CCDC121: variants seen among roughly 807,000 people sequenced by gnomAD.
CCDC121 encodes coiled-coil domain-containing protein 121.
For synonymous variants in CCDC121, 108 were observed against 120.0 expected, an observed-to-expected ratio of 0.90 and a Z score of 0.65; for missense variants, 238 against 304.1, an observed-to-expected ratio of 0.78 and a Z score of 1.62.
intron 1 of CCDC121, chr2:27,628,734 G>T: frequency 1.3e-6 from 2 of 1,550,542 alleles, no homozygotes; most frequent in Non-Finnish European, 1.7e-6. Context: ...TCGTTTTCTT[G>T]CTGTGTGAGC....
rs1188625024 is a variant in CCDC121 at position 27,627,107 on chromosome 2, C to T, written c.693G>A (p.Gln231=). The change falls in exon 2 of 2, where the codon CAG becomes CAA. Residue 231 remains glutamine, a synonymous_variant. Coordinates refer to ENST00000324364, the MANE Select transcript of CCDC121 (RefSeq NM_024584.5). ...SHLENRKQQL[Q]QEQWYLESLI... ...AGGACTCCAGATACCACTGTTCCTG[C>T]TGCAGCTGCTGCTTCCTGTTTTCTA... 1 of 1,614,146 alleles carries T rather than the reference C, an allele frequency of 6.2e-7. No individual in the cohort carries two copies. Among genetic ancestry groups the T allele is most frequent in the Non-Finnish European group, 8.5e-7 (1 of 1,180,014 alleles).
At chr2:27,628,314 C>T in intron 1 of CCDC121, 2 of 1,331,924 alleles carry the variant, frequency 1.5e-6, no homozygotes, top group South Asian at 1.5e-5. Flanking sequence ...ATTTTCTAGG[C>T]TCTTTCATCA....
At chr2:27,628,665 C>A in intron 1 of CCDC121, 1 of 1,551,584 alleles carries the variant, frequency 6.4e-7, no homozygotes, top group Admixed American at 2.0e-5. Context: ...CCCGAGCAGC[C>A]GGTCCTCCAG....
rs192238070 is a variant in CCDC121, at chr2:27,627,965, G to A, written c.-118-48C>T. On this transcript the variant is annotated intron_variant, in intron 1 of 1. Transcript: ENST00000324364. ...CCTCTGTCAGTTAATGAAACTTTAGGAAGTAAGTGCACAACTGTCCTTCAT... is the reference window on the plus strand; with the variant it reads ...CCTCTGTCAGTTAATGAAACTTTAGAAAGTAAGTGCACAACTGTCCTTCAT... The A allele has an allele frequency of 3.9e-6, 5 of 1,284,992 alleles. No homozygotes were observed. In the East Asian group the frequency reaches 9.3e-5, roughly 24 times the overall value. 79.6% of individuals were successfully genotyped at this position (1,284,992 alleles called of 1,614,324 possible).
chr2:27,625,826 T>G lies in CCDC121; in HGVS notation c.*1137A>C, dbSNP rs1673264699. 1 of 152,422 alleles carries G rather than the reference T, an allele frequency of 6.6e-6. No individual in the cohort carries two copies. Among genetic ancestry groups the G allele is most frequent in the African/African-American group, 2.4e-5 (1 of 41,574 alleles). 9.4% of individuals were successfully genotyped at this position (152,422 alleles called of 1,614,324 possible). A position where few individuals can be genotyped will look rare whatever the true frequency, so the allele number is the denominator to read the frequency against. On this transcript the variant is annotated 3_prime_UTR_variant, in exon 2 of 2. Coordinates refer to ENST00000324364, the MANE Select transcript of CCDC121 (RefSeq NM_024584.5). ...ATGCAGGAAAATTATTTTGAAGTTTTTCATCACTTAACAATTTCTGGGAAA... is the reference window on the plus strand; with the variant it reads ...ATGCAGGAAAATTATTTTGAAGTTTGTCATCACTTAACAATTTCTGGGAAA...
intron 1 of CCDC121, chr2:27,628,739 G>T: frequency 1.3e-6 from 2 of 1,549,826 alleles, no homozygotes; most frequent in Non-Finnish European, 8.7e-7. Flanking sequence ...TTCTTGCTGT[G>T]TGAGCCCTGC....
chr2:27,628,066 A>C (rs1466986360), intron 1 of CCDC121, 149 bp from the exon 2 acceptor site: 2 of 663,964 alleles, frequency 3.0e-6, no homozygotes, highest in Non-Finnish European at 5.1e-6. Flanking sequence ...GCTAGTGGTA[A>C]AGGATGAGGA....
rs1421665993 is a variant in CCDC121 at position 27,626,554 on chromosome 2, A to AATTT, written c.*408_*409insAAAT. The AATTT allele has an allele frequency of 6.4e-6, 1 of 155,856 alleles. No individual in the cohort carries two copies. The highest frequency in any genetic ancestry group is 2.4e-5 in the African/African-American group (1 of 41,568). The allele number at this position is 155,856 out of a possible 1,614,324, so 9.7% of individuals were successfully genotyped here. On this transcript the variant is annotated 3_prime_UTR_variant, in exon 2 of 2. Transcript: ENST00000324364. ...AAAAGGAATGAGGATAAACTGGCAG[A>AATTT]ACGCTATTCAAAGTCTATTTGGAAT...
chr2:27,628,274 A>G, intron 1 of CCDC121: 1 of 999,362 alleles, frequency 1.0e-6, no homozygotes, highest in South Asian at 1.7e-5. Context: ...AGGGTCACAG[A>G]AACAGACTGG....
intron 1 of CCDC121, chr2:27,628,594 C>G: frequency 1.9e-6 from 3 of 1,551,548 alleles, no homozygotes; most frequent in Non-Finnish European, 2.6e-6. Flanking sequence ...GAGACTGCAC[C>G]CTGCTCCAGT....
Position 27,627,785 on chromosome 2 carries a change from G to T in CCDC121, c.15C>A (p.Asn5Lys), listed in dbSNP as rs1051719054. The T allele has an allele frequency of 1.4e-5, 23 of 1,613,692 alleles. No individual in the cohort carries two copies. The highest frequency in any genetic ancestry group is 1.9e-5 in the Non-Finnish European group (23 of 1,179,954). The change falls in exon 2 of 2, where the codon AAC (asparagine) becomes AAA (lysine). Residue 5 changes from asparagine (N) to lysine (K), a missense_variant. Physicochemically the swap from Asn to Lys is moderately conservative, Grantham distance 94. Transcript: ENST00000324364. Reference sequence around the variant, plus strand: ...GGGTTTGAGCTTGTTTTATATGCTTGTTCAGATCCGTCATTTCCGCCACTA... The same window carrying T: ...GGGTTTGAGCTTGTTTTATATGCTTTTTCAGATCCGTCATTTCCGCCACTA... MTDL[N>K]KHIKQAQTQR... is the part of the protein sequence containing the mutation.
intron 1 of CCDC121, 129 bp downstream of exon 1, chr2:27,628,821 C>A (rs964605484): frequency 1.1e-5 from 17 of 1,481,714 alleles, no homozygotes; most frequent in Non-Finnish European, 1.4e-5. Context: ...GATCAGCGCC[C>A]TTTTCCTAGC....
rs1673289877 is a variant in CCDC121 at position 27,626,774 on chromosome 2, A to G, written c.*189T>C. 1 of 508,762 alleles carries G rather than the reference A, an allele frequency of 2.0e-6. No individual in the cohort carries two copies. The highest frequency in any genetic ancestry group is 3.5e-5 in the Admixed American group (1 of 28,640). The allele number at this position is 508,762 out of a possible 1,614,324, so 31.5% of individuals were successfully genotyped here. ...TTAACGAGTATTTAAAGAAAAAGCT[A>G]GTTAAGGGAAGCTGGTTACCAAATA... On this transcript the variant is annotated 3_prime_UTR_variant, in exon 2 of 2. Coordinates refer to ENST00000324364, the MANE Select transcript of CCDC121 (RefSeq NM_024584.5).
At chr2:27,628,696 T>G (rs1673391634) in intron 1 of CCDC121, 1 of 1,551,560 alleles carries the variant, frequency 6.4e-7, no homozygotes, top group African/African-American at 1.4e-5. Flanking sequence ...CCCCGTTCTC[T>G]GTGGGCTCAA....
rs1178540623 is a variant in CCDC121, at chr2:27,625,912, A to G, written c.*1051T>C. The G allele has an allele frequency of 6.6e-6, 1 of 152,270 alleles. No homozygotes were observed. The highest frequency in any genetic ancestry group is 2.1e-4 in the South Asian group (1 of 4,836). The allele number at this position is 152,270 out of a possible 1,614,324, so 9.4% of individuals were successfully genotyped here. ...TTAAAATATAAGATTATATTCCCCTATACTAGGATTCAGCATTCAAATAAA... is the reference window on the plus strand; with the variant it reads ...TTAAAATATAAGATTATATTCCCCTGTACTAGGATTCAGCATTCAAATAAA... On this transcript the variant is annotated 3_prime_UTR_variant, in exon 2 of 2. Coordinates refer to ENST00000324364, the MANE Select transcript of CCDC121 (RefSeq NM_024584.5).
At chr2:27,628,888 A>C in intron 1 of CCDC121, 62 bp downstream of exon 1, 2 of 1,469,682 alleles carry the variant, frequency 1.4e-6, no homozygotes, top group Admixed American at 5.3e-5. Flanking sequence ...CACTGTCACT[A>C]GTTGACTCAT....
rs1673346353 is a variant in CCDC121 at position 27,627,926 on chromosome 2, AC to A, written c.-118-10del. On this transcript the variant is annotated splice_polypyrimidine_tract_variant and intron_variant, in intron 1 of 1. Coordinates refer to ENST00000324364, the MANE Select transcript of CCDC121 (RefSeq NM_024584.5). ...TGGGGCCCTCAGCAAACCTGAAAGAACAAACGAGACATTCCTCTGTCAGTTA... is the reference window on the plus strand; with the variant it reads ...TGGGGCCCTCAGCAAACCTGAAAGAAAAACGAGACATTCCTCTGTCAGTTA... The A allele has an allele frequency of 6.4e-7, 1 of 1,561,602 alleles. No individual in the cohort carries two copies. Among genetic ancestry groups the A allele is most frequent in the East Asian group, 2.2e-5 (1 of 44,590 alleles).
rs1673289993 is a variant in CCDC121 at position 27,626,775 on chromosome 2, G to C, written c.*188C>G. On this transcript the variant is annotated 3_prime_UTR_variant, in exon 2 of 2. Transcript: ENST00000324364. ...TAACGAGTATTTAAAGAAAAAGCTA[G>C]TTAAGGGAAGCTGGTTACCAAATAT... 3.9e-6 allele frequency: 2 copies of C among 514,826 alleles called. No homozygotes were observed. The highest frequency in any genetic ancestry group is 6.9e-6 in the Non-Finnish European group (2 of 289,688). The allele number at this position is 514,826 out of a possible 1,614,324, so 31.9% of individuals were successfully genotyped here. A position where few individuals can be genotyped will look rare whatever the true frequency, so the allele number is the denominator to read the frequency against.
In CCDC121 at chr2:27,627,707, A is replaced by G. The variant is rs774617729; in HGVS notation, c.93T>C (p.Leu31=). The change falls in exon 2 of 2, where the codon CTT becomes CTC. Residue 31 remains leucine (L), a synonymous_variant. Coordinates refer to ENST00000324364, the MANE Select transcript of CCDC121 (RefSeq NM_024584.5). ...GAAAGAATCTGTTTTCAGCCTGGAC[A>G]AGTAACTTTTCTCGGTGTAGCTCCC... ...ESRELHREKL[L]VQAENRFFLE... is the part of the protein sequence containing the mutation. 3 of 1,612,766 alleles carry G rather than the reference A, an allele frequency of 1.9e-6. No individual in the cohort carries two copies. The highest frequency in any genetic ancestry group is 4.5e-5 in the East Asian group (2 of 44,782).
Sources: gnomAD v4.1 joint callset for allele counts on GRCh38, gnomAD v4.1.1 for gene constraint, MANE v1.5 for transcripts, NCBI Gene and HGNC (gene_info 2026-07-23, HGNC 2026-07-21) for gene names.